Variants in FRMD5 observed in about 807,000 individuals in gnomAD.
FRMD5 encodes the protein FERM domain-containing protein 5.
FRMD5 carries 20 observed loss-of-function variants against 69.0 expected under a neutral mutation model. The observed-to-expected ratio is 0.29, with a 90% confidence interval of 0.20 to 0.42. The LOEUF (loss-of-function observed/expected upper bound fraction) is 0.42, where lower values mean the gene tolerates loss of function less well. Among genes scored for constraint, FRMD5 ranks in the 10% least tolerant of loss-of-function variants. FRMD5 has a pLI of 1.00. For synonymous variants in FRMD5, 271 were observed against 260.1 expected, an observed-to-expected ratio of 1.04 and a Z score of -0.40; for missense variants, 595 against 708.6, an observed-to-expected ratio of 0.84 and a Z score of 1.82.
intron 1 of FRMD5, among the ~76,000 whole-genome samples, chr15:44,010,615 C>T (rs1566896664): frequency 6.6e-6 from 1 of 152,112 alleles, no homozygotes; most frequent in African/African-American, 2.4e-5. Flanking sequence ...AAACTCCTGA[C>T]CTCAAGTGAT....
At chr15:43,895,223 AAATGTG>A (rs2088886023) in intron 7 of FRMD5, among the ~76,000 whole-genome samples, 1 of 152,250 alleles carries the variant, frequency 6.6e-6, no homozygotes, top group Non-Finnish European at 1.5e-5. Context: ...TAGGAAACGA[AAATGTG>A]GGAAGTTAGA....
chr15:44,080,937 T>C (rs953657904), intron 1 of FRMD5, among the ~76,000 whole-genome samples: 6 of 152,114 alleles, frequency 3.9e-5, no homozygotes, highest in East Asian at 1.9e-4. Context: ...ATAATGCCTA[T>C]ATTTCAGTCT....
chr15:43,905,731 G>A, intron 6 of FRMD5, 97 bp downstream of exon 6: 1 of 1,481,958 alleles, frequency 6.7e-7, no homozygotes, highest in African/African-American at 1.4e-5. Context: ...CTCTGTGTCA[G>A]TAAACAGTCT....
At chr15:44,085,105 G>C (rs1183211159) in intron 1 of FRMD5, among the ~76,000 whole-genome samples, 3 of 152,060 alleles carry the variant, frequency 2.0e-5, no homozygotes, top group Non-Finnish European at 4.4e-5. Context: ...ATTCTTATTT[G>C]GCAATTGCAA....
chr15:43,920,000 G>A (rs1430346847), intron 2 of FRMD5, among the ~76,000 whole-genome samples, 191 bp from the exon 3 acceptor site: 1 of 152,252 alleles, frequency 6.6e-6, no homozygotes, highest in Non-Finnish European at 1.5e-5. Context: ...AGCCAGCTGT[G>A]AAGGGGGGAA....
chr15:44,191,903 A>ATC (rs2078200245), intron 1 of FRMD5, among the ~76,000 whole-genome samples: 2 of 30,290 alleles, frequency 6.6e-5, no homozygotes, highest in African/African-American at 1.8e-4. Flanking sequence ...ATATATATAT[A>ATC]TATATATATA....
intron 1 of FRMD5, among the ~76,000 whole-genome samples, chr15:44,175,753 T>C (rs2077883617): frequency 6.6e-6 from 1 of 151,986 alleles, no homozygotes; most frequent in Non-Finnish European, 1.5e-5. Flanking sequence ...TTGTGATACA[T>C]CCATAAAATA....
chr15:43,999,953 CATATATATATATATATATAT>C (rs34872140), intron 1 of FRMD5, among the ~76,000 whole-genome samples: 1 of 82,892 alleles, frequency 1.2e-5, no homozygotes, highest in African/African-American at 6.4e-5. Flanking sequence ...ATATGCCATG[CATATATATATATATATATAT>C]ATATATATAT....
At chr15:44,181,060 G>A (rs1595563547) in intron 1 of FRMD5, among the ~76,000 whole-genome samples, 1 of 151,994 alleles carries the variant, frequency 6.6e-6, no homozygotes, top group Non-Finnish European at 1.5e-5. Flanking sequence ...TTATTTTTAA[G>A]ACCAGATCTT....
intron 1 of FRMD5, among the ~76,000 whole-genome samples, chr15:43,999,217 G>A (rs1890071611): frequency 6.6e-6 from 1 of 151,974 alleles, no homozygotes; most frequent in Admixed American, 6.6e-5. Context: ...ACAGGTGTGT[G>A]CCACCACGCC....
intron 1 of FRMD5, among the ~76,000 whole-genome samples, chr15:44,086,809 G>T (rs949378435): frequency 3.3e-5 from 5 of 152,044 alleles, no homozygotes; most frequent in African/African-American, 4.8e-5. Context: ...TAGGGGTGAG[G>T]GACAAAGATT....
intron 13 of FRMD5, among the ~76,000 whole-genome samples, chr15:43,883,349 A>C (rs1389641547): frequency 6.6e-6 from 1 of 152,084 alleles, no homozygotes; most frequent in Non-Finnish European, 1.5e-5. Flanking sequence ...CCACCCATCT[A>C]GGCCTCCCAA....
At chr15:43,940,339 C>T (rs2089840963) in intron 1 of FRMD5, among the ~76,000 whole-genome samples, 1 of 152,206 alleles carries the variant, frequency 6.6e-6, no homozygotes, top group Admixed American at 6.5e-5. Context: ...TGTGCCCATT[C>T]TTCCCGCCCA....
chr15:43,949,266 C>T (rs2089991638), intron 1 of FRMD5, among the ~76,000 whole-genome samples: 1 of 152,186 alleles, frequency 6.6e-6, no homozygotes, highest in African/African-American at 2.4e-5. Flanking sequence ...TACTCCTTCC[C>T]TTCCCCTCAG....
At chr15:44,191,709 G>C (rs892240459) in intron 1 of FRMD5, among the ~76,000 whole-genome samples, 5 of 151,516 alleles carry the variant, frequency 3.3e-5, no homozygotes, top group Non-Finnish European at 5.9e-5. Flanking sequence ...AGGAATTCAA[G>C]TCCAGCCTAG....
Position 43,914,723 on chromosome 15 carries a change from C to CTTTTTTTTTTTTTTTTT in FRMD5, c.329+4719_329+4735dup, listed in dbSNP as rs533023960. Among the ~76,000 whole-genome samples the CTTTTTTTTTTTTTTTTT allele has an allele frequency of 6.9e-4, 76 of 109,368 alleles. 10 individuals carry two copies. Among genetic ancestry groups the CTTTTTTTTTTTTTTTTT allele is most frequent in the African/African-American group, 3.5e-3 (65 of 18,582 alleles). 71.7% of individuals were successfully genotyped at this position (109,368 alleles called of 152,430 possible). On this transcript the variant is annotated intron_variant, in intron 4 of 13. Coordinates refer to ENST00000417257, the MANE Select transcript of FRMD5 (RefSeq NM_032892.5). The stretch of plus-strand genomic sequence containing the variant: ...CCCAGCAACTCTATGAGGTGACTAC[C>CTTTTTTTTTTTTTTTTT]TTTTTTTTTTTTTTTTTTTTTGAGA...
At chr15:44,172,212 T>G (rs1474230438) in intron 1 of FRMD5, among the ~76,000 whole-genome samples, 2 of 151,496 alleles carry the variant, frequency 1.3e-5, no homozygotes, top group Non-Finnish European at 2.9e-5. Context: ...CACCTCAGCC[T>G]CCTGAGTAGC....
chr15:44,016,091 C>T lies in FRMD5; in HGVS notation c.103-91782G>A, dbSNP rs4924733. ...AAGCATTATCTCTTGCTTCAAAACCCAGCCACTTATCAGTTATGCAAATGA... is the reference window on the plus strand; with the variant it reads ...AAGCATTATCTCTTGCTTCAAAACCTAGCCACTTATCAGTTATGCAAATGA... On this transcript the variant is annotated intron_variant, in intron 1 of 13. Coordinates refer to ENST00000417257, the MANE Select transcript of FRMD5 (RefSeq NM_032892.5). Among the ~76,000 whole-genome samples the T allele has an allele frequency of 0.016, 2,406 of 152,268 alleles. 176 individuals carry two copies. In the East Asian group the frequency reaches 0.17, roughly 11 times the overall value.
intron 1 of FRMD5, among the ~76,000 whole-genome samples, chr15:43,947,934 C>G (rs887497508): frequency 6.6e-6 from 1 of 152,092 alleles, no homozygotes; most frequent in Non-Finnish European, 1.5e-5. Flanking sequence ...GGCTTATTCT[C>G]CCACAGGTGT....
Sources: allele counts gnomAD v4.1 joint callset (sites outside exome capture counted in the v4.1 genomes callset), GRCh38; gene constraint gnomAD v4.1.1; transcripts MANE v1.5; gene names NCBI Gene and HGNC (gene_info 2026-07-23, HGNC 2026-07-21).